ZNF222: variants seen among roughly 807,000 people sequenced by gnomAD.
ZNF222 encodes the protein zinc finger protein 222.
ZNF222 carries 8 observed loss-of-function variants against 11.6 expected under a neutral mutation model. The ratio of observed to expected loss-of-function variants is 0.69; its 90% CI spans 0.41 to 1.25. The LOEUF is 1.25. Among genes scored for constraint, ZNF222 ranks in the 50% most tolerant of loss-of-function variants. The pLI, the probability that ZNF222 is intolerant of heterozygous loss-of-function variation, is 0.01. For synonymous variants in ZNF222, 171 were observed against 195.6 expected (o/e 0.87, Z 1.05); for missense variants, 483 against 576.1 (o/e 0.84, Z 1.65).
Position 44,025,385 on chromosome 19 carries a change from C to T in ZNF222, c.-52C>T. On this transcript the variant is annotated 5_prime_UTR_variant, in exon 1 of 4. Transcript: ENST00000391960. This position sits in a 1 kb window ranked among gnomAD's most constrained non-coding sequence, Gnocchi z 4.6. ...ACAGTAGTTTGAGTCATTTCCACAT[C>T]TTGCGAGTCCTTCCGAACGAGTCTC... 1.3e-6 allele frequency: 2 copies of T among 1,543,976 alleles called. No homozygotes were observed. The highest frequency in any genetic ancestry group is 8.8e-7 in the Non-Finnish European group (1 of 1,139,996).
Position 44,032,345 on chromosome 19 carries a change from T to TGA in ZNF222, c.798_799dup (p.Lys267ArgfsTer73), listed in dbSNP as rs1441939971. 6.2e-7 allele frequency: 1 copy of TGA among 1,613,900 alleles called. No individual in the cohort carries two copies. Among genetic ancestry groups the TGA allele is most frequent in the African/African-American group, 1.3e-5 (1 of 74,874 alleles). Reference sequence around the variant, plus strand: ...CTTAAAGTTCATTGCAAATTACACATGAGAGAGAAACCTTATAATTGTGAG... The same window carrying TGA: ...CTTAAAGTTCATTGCAAATTACACATGAGAGAGAGAAACCTTATAATTGTGAG... On this transcript the variant is annotated frameshift_variant, in exon 4 of 4. Coordinates refer to ENST00000391960, the MANE Select transcript of ZNF222 (RefSeq NM_001129996.2). LOFTEE classifies it low-confidence loss of function (END_TRUNC).
At position 44,032,854 on chromosome 19, in the gene ZNF222, AG is replaced by A. The variant is rs1190192098; in HGVS notation, c.1301del (p.Arg434LysfsTer4). ...GAATCATAAGAAACTCCACTGCCAA[AG>A]AAAGCCATTGAAATGTGAAGACTGT... ...ILNHKKLHCQ[R>X]KPLKCEDCGK... On this transcript the variant is annotated frameshift_variant, in exon 4 of 4. Transcript: ENST00000391960. LOFTEE classifies it low-confidence loss of function (END_TRUNC). 5.0e-6 allele frequency: 8 copies of A among 1,613,766 alleles called. No homozygotes were observed. The highest frequency in any genetic ancestry group is 6.8e-6 in the Non-Finnish European group (8 of 1,179,944).
chr19:44,029,227 C>G (rs1185569200), intron 3 of ZNF222, among the ~76,000 whole-genome samples: 1 of 95,816 alleles, frequency 1.0e-5, no homozygotes, highest in Non-Finnish European at 1.9e-5. Flanking sequence ...CTGTGCAGGG[C>G]TGCTTATCCA....
chr19:44,026,985 GGCCGTAAGATT>G, intron 1 of ZNF222, 27 bp from the exon 2 acceptor site: 1 of 1,612,862 alleles, frequency 6.2e-7, no homozygotes, highest in Non-Finnish European at 8.5e-7. Flanking sequence ...AATAGTCTTT[GGCCGTAAGATT>G]GAGGTGACAT....
chr19:44,032,150 C>A lies in ZNF222; in HGVS notation c.596C>A (p.Ala199Asp), dbSNP rs987723631. The change falls in exon 4 of 4, where the codon GCC becomes GAC. Residue 199 changes from alanine to aspartate, a missense_variant. Transcript: ENST00000391960. ...GGAAAAAGCTTCTGTTACATCTCAGCCCTTCATATTCATCAGAGGGTCCAC... is the reference window on the plus strand; with the variant it reads ...GGAAAAAGCTTCTGTTACATCTCAGACCTTCATATTCATCAGAGGGTCCAC... ...ECGKSFCYIS[A>D]LHIHQRVHMG... is the part of the protein sequence containing the mutation. 6.2e-7 allele frequency: 1 copy of A among 1,614,196 alleles called. No individual in the cohort carries two copies. Among genetic ancestry groups the A allele is most frequent in the East Asian group, 2.2e-5 (1 of 44,884 alleles).
In ZNF222 at chr19:44,032,408, A is replaced by G. The variant is rs375106777; in HGVS notation, c.854A>G (p.Gln285Arg). Residue 285 changes from glutamine (Q) to arginine (R), a missense_variant, in exon 4 of 4, where the codon CAG (glutamine) becomes CGG (arginine). Physicochemically the swap from Gln to Arg is conservative, Grantham distance 43 (BLOSUM62 1). Transcript: ENST00000391960. ...GCTTTCATGCACAATTTCCAGCTTC[A>G]GAAACATCACAGAATTCATACTGGG... ...GKAFMHNFQL[Q>R]KHHRIHTGEK... The G allele has an allele frequency of 1.3e-5, 21 of 1,614,146 alleles. No homozygotes were observed. The African/African-American group carries it at 2.3e-4, about 17-fold the overall frequency.
rs1275014448 is a variant in ZNF222, at chr19:44,025,449, G to A, written c.13G>A (p.Gly5Arg). 1 of 1,551,346 alleles carries A rather than the reference G, an allele frequency of 6.4e-7. No individual in the cohort carries two copies. Among genetic ancestry groups the A allele is most frequent in the Non-Finnish European group, 8.7e-7 (1 of 1,146,904 alleles). The change falls in exon 1 of 4, where the codon GGA (glycine) becomes AGA (arginine). Residue 5 changes from glycine (G) to arginine (R), a missense_variant. Transcript: ENST00000391960. The surrounding 1 kb of genome is among the most constrained non-coding windows in gnomAD (Gnocchi z 4.6). ...TCGCAACCACCCAATGATCGATTCA[G>A]GAGAAAAGAAGCCTGGGCGGAGAGC... MIDS[G>R]EKKPGRRAEE...
rs755815482 is a variant in ZNF222, at chr19:44,026,014, C to A, written c.42+536C>A. On this transcript the variant is annotated intron_variant, in intron 1 of 3. Transcript: ENST00000391960. ...AACGGTCAGGGTGTTTCACAGCTTT[C>A]TTTTTCCCCAGCCCGACCTTTCTAA... 1.9e-6 allele frequency: 3 copies of A among 1,607,066 alleles called. No individual in the cohort carries two copies. In the Middle Eastern group the frequency reaches 5.0e-4, roughly 269 times the overall value.
chr19:44,030,006 T>C (rs1976466757), intron 3 of ZNF222, among the ~76,000 whole-genome samples: 1 of 152,228 alleles, frequency 6.6e-6, no homozygotes, highest in Non-Finnish European at 1.5e-5. Context: ...TAGTTCTTGT[T>C]TTGTAAATGT....
At chr19:44,026,110 C>A in intron 1 of ZNF222, 1 of 1,612,258 alleles carries the variant, frequency 6.2e-7, no homozygotes, top group Non-Finnish European at 8.5e-7. Context: ...GGCTTTTTTT[C>A]TTTGACAGAG....
chr19:44,032,525 T>C lies in ZNF222; in HGVS notation c.971T>C (p.Leu324Pro), dbSNP rs372176998. The change falls in exon 4 of 4, where the codon CTG (leucine) becomes CCG (proline). Residue 324 changes from leucine to proline, a missense_variant. By Grantham distance (98) the Leu-to-Pro change is moderately conservative. Transcript: ENST00000391960. Reference protein sequence around the residue: ...RHCMVHTAEKLYKSEKYGRGF... With the variant: ...RHCMVHTAEKPYKSEKYGRGF... ...TGCATGGTCCACACAGCAGAGAAAC[T>C]GTACAAATCTGAAAAGTATGGAAGA... 4 of 1,614,062 alleles carry C rather than the reference T, an allele frequency of 2.5e-6. No homozygotes were observed. In the African/African-American group the frequency reaches 4.0e-5, roughly 16 times the overall value.
At chr19:44,026,190 A>C in intron 1 of ZNF222, 1 of 1,179,178 alleles carries the variant, frequency 8.5e-7, no homozygotes, top group South Asian at 1.3e-5. Context: ...ATTAAGCCTT[A>C]ATTGGTAACT....
Position 44,027,415 on chromosome 19 carries a change from G to A in ZNF222, c.187G>A (p.Gly63Arg). 1 of 1,614,134 alleles carries A rather than the reference G, an allele frequency of 6.2e-7. No individual in the cohort carries two copies. Among genetic ancestry groups the A allele is most frequent in the Non-Finnish European group, 8.5e-7 (1 of 1,180,006 alleles). ...LLSVGHQPFH[G>R]DTFHFLREEK... ...GTTCACAGGGCATCAACCATTCCAT[G>A]GAGATACTTTCCACTTCCTAAGGGA... Residue 63 changes from glycine (G) to arginine (R), a missense_variant, in exon 3 of 4, where the codon GGA becomes AGA. Physicochemically the swap from Gly to Arg is moderately radical, Grantham distance 125. Coordinates refer to ENST00000391960, the MANE Select transcript of ZNF222 (RefSeq NM_001129996.2).
rs977371688 is a variant in ZNF222, at chr19:44,025,912, G to T, written c.42+434G>T. The T allele has an allele frequency of 1.1e-5, 12 of 1,082,764 alleles. No homozygotes were observed. In the African/African-American group the frequency reaches 1.3e-4, roughly 12 times the overall value. 67.1% of individuals were successfully genotyped at this position (1,082,764 alleles called of 1,614,324 possible). A position where few individuals can be genotyped will look rare whatever the true frequency, so the allele number is the denominator to read the frequency against. ...CCCTTCTGCCTGATCCCTGCAGGAC[G>T]CTGGATGATCCCTGACGCCTTCTGA... On this transcript the variant is annotated intron_variant, in intron 1 of 3. Transcript: ENST00000391960. This position sits in a 1 kb window ranked among gnomAD's most constrained non-coding sequence, Gnocchi z 4.6.
chr19:44,029,397 T>C (rs919960677), intron 3 of ZNF222, among the ~76,000 whole-genome samples: 19 of 152,116 alleles, frequency 1.2e-4, no homozygotes, highest in African/African-American at 4.6e-4. Flanking sequence ...CGTGTTTATG[T>C]CTGTGAGAAA....
intron 3 of ZNF222, 85 bp from the exon 4 acceptor site, chr19:44,031,732 C>T (rs529151771): frequency 2.0e-5 from 29 of 1,451,008 alleles, no homozygotes; most frequent in East Asian, 2.3e-5. Flanking sequence ...CCACCCGCCT[C>T]GGCCTCCCAA....
Position 44,032,974 on chromosome 19 carries a change from T to A in ZNF222, c.1420T>A (p.Tyr474Asn), listed in dbSNP as rs553530216. The A allele has an allele frequency of 6.3e-7, 1 of 1,576,410 alleles. No individual in the cohort carries two copies. Among genetic ancestry groups the A allele is most frequent in the Non-Finnish European group, 8.6e-7 (1 of 1,169,204 alleles). Residue 474 changes from tyrosine (Y) to asparagine (N), a missense_variant, in exon 4 of 4, where the codon TAC becomes AAC. Transcript: ENST00000391960. ...PSKCEDCGKR[Y>N]KRRLNLDIIL... ...CAAATGTGAGGACTGTGGGAAGCGC[T>A]ACAAGAGGCGCTTGAATCTGGATAT...
chr19:44,029,105 A>G (rs1238209560), intron 3 of ZNF222, among the ~76,000 whole-genome samples: 1 of 150,750 alleles, frequency 6.6e-6, no homozygotes, highest in Non-Finnish European at 1.5e-5. Flanking sequence ...CTTCTGATGC[A>G]CTGTTGGTTG....
At position 44,025,723 on chromosome 19, in the gene ZNF222, T is replaced by A. The variant is rs538703217; in HGVS notation, c.42+245T>A. ...TTTGTTTGTTTTGTAACGGGACTTT[T>A]CGGACCATCCTAATGGATTCATTTT... is the stretch of plus-strand genomic sequence containing the variant. On this transcript the variant is annotated intron_variant, in intron 1 of 3. Transcript: ENST00000391960. This position sits in a 1 kb window ranked among gnomAD's most constrained non-coding sequence, Gnocchi z 4.6. 2.6e-5 allele frequency among the ~76,000 whole-genome samples: 4 copies of A among 152,310 alleles called. No individual in the cohort carries two copies. In the South Asian group the frequency reaches 8.3e-4, roughly 32 times the overall value.
Sources: gnomAD v4.1 joint callset for allele counts (sites outside exome capture counted in the v4.1 genomes callset) on GRCh38, gnomAD v4.1.1 for gene constraint, Gnocchi (gnomAD v3.1) non-coding constraint, MANE v1.5 for transcripts, NCBI Gene and HGNC (gene_info 2026-07-23, HGNC 2026-07-21) for gene names.